SEMA3A: variants seen among roughly 807,000 people sequenced by gnomAD.
SEMA3A encodes the protein semaphorin 3A, also known as semaphorin-3A.
Under a neutral mutation model 97.9 loss-of-function variants are expected in SEMA3A, and 29 were observed. The observed-to-expected ratio is 0.30, with a 90% CI of 0.22 to 0.40. The LOEUF (loss-of-function observed/expected upper bound fraction) is 0.40, where lower values mean the gene tolerates loss of function less well. Among genes scored for constraint, SEMA3A ranks in the 10% least tolerant of loss-of-function variants. The probability of loss-of-function intolerance (pLI) is 1.00; values close to 1 mark genes in which losing one functional copy is unlikely to be tolerated. For missense variants in SEMA3A, 763 were observed against 951.3 expected (o/e 0.80, Z 2.60); for synonymous variants, 321 against 323.7 (o/e 0.99, Z 0.09).
Position 84,208,176 on chromosome 7 carries a change from G to A in SEMA3A, c.-82-13508C>T, listed in dbSNP as rs559194079. Among the ~76,000 whole-genome samples, 32 of 152,252 alleles carry A rather than the reference G, an allele frequency of 2.1e-4. 1 individual carries two copies. The South Asian group carries it at 6.6e-3, about 32-fold the overall frequency. On this transcript the variant is annotated intron_variant, in intron 3 of 3. Transcript: ENST00000424555. ...ATGTTAAGAATGGAAAGACAAGCCT[G>A]GCACTGTGGCTCATGACTGTAATCT...
At chr7:84,413,297 T>A (rs1281338929) in intron 1 of SEMA3A, among the ~76,000 whole-genome samples, 1 of 152,064 alleles carries the variant, frequency 6.6e-6, no homozygotes, top group Non-Finnish European at 1.5e-5. Flanking sequence ...CCATTTTAAA[T>A]CAATAACCAA....
At chr7:84,055,582 C>A (rs563820383) in intron 5 of SEMA3A, among the ~76,000 whole-genome samples, 41 of 152,288 alleles carry the variant, frequency 2.7e-4, no homozygotes, top group Admixed American at 1.4e-3. Context: ...GTGCGCGCAC[C>A]CACTGACCTG....
chr7:84,430,131 A>G (rs960740113), intron 1 of SEMA3A, among the ~76,000 whole-genome samples: 3 of 151,998 alleles, frequency 2.0e-5, no homozygotes, highest in African/African-American at 7.2e-5. Context: ...TTTATATTTC[A>G]TTAAAATATA....
intron 2 of SEMA3A, among the ~76,000 whole-genome samples, chr7:84,348,312 A>G (rs1454997852): frequency 6.6e-6 from 1 of 152,194 alleles, no homozygotes; most frequent in Non-Finnish European, 1.5e-5. Context: ...ATTTGTTAAT[A>G]TGTAGCCAAA....
At chr7:84,295,380 A>T (rs1328548734) in intron 3 of SEMA3A, among the ~76,000 whole-genome samples, 1 of 152,060 alleles carries the variant, frequency 6.6e-6, no homozygotes, top group African/African-American at 2.4e-5. Flanking sequence ...CAAAATGTGA[A>T]TGTTGCAATT....
chr7:84,197,629 A>AAG (rs1798261339), upstream of SEMA3A, among the ~76,000 whole-genome samples: 1 of 152,058 alleles, frequency 6.6e-6, no homozygotes, highest in African/African-American at 2.4e-5. Flanking sequence ...ACTAAAGTAG[A>AAG]AGCAAGGTAT....
intron 14 of SEMA3A, among the ~76,000 whole-genome samples, chr7:83,980,494 A>T (rs1789346697): frequency 6.7e-6 from 1 of 149,726 alleles, no homozygotes; most frequent in South Asian, 2.1e-4. Flanking sequence ...AGTCCCAGCT[A>T]CTCGGGAGGG....
chr7:84,038,478 G>C (rs1485012384), intron 6 of SEMA3A, among the ~76,000 whole-genome samples: 1 of 151,586 alleles, frequency 6.6e-6, no homozygotes, highest in Non-Finnish European at 1.5e-5. Flanking sequence ...TGTGATTCTC[G>C]TAACAACCAA....
At chr7:84,139,962 A>C (rs2116067153) in intron 1 of SEMA3A, among the ~76,000 whole-genome samples, 1 of 152,196 alleles carries the variant, frequency 6.6e-6, no homozygotes, top group South Asian at 2.1e-4. Context: ...CCCCAAGAGT[A>C]ATCATAATCT....
chr7:84,300,455 G>T, intron 3 of SEMA3A, among the ~76,000 whole-genome samples: 1 of 151,946 alleles, frequency 6.6e-6, no homozygotes, highest in East Asian at 1.9e-4. Context: ...AATTCTAAAA[G>T]CTTTTTATTT....
At chr7:84,180,891 T>C (rs1343052692) in intron 1 of SEMA3A, among the ~76,000 whole-genome samples, 1 of 152,148 alleles carries the variant, frequency 6.6e-6, no homozygotes, top group Non-Finnish European at 1.5e-5. Context: ...ATTTCCTTTC[T>C]TGAAATATTG....
intron 3 of SEMA3A, among the ~76,000 whole-genome samples, chr7:84,240,540 T>C (rs1437362958): frequency 6.6e-6 from 1 of 152,076 alleles, no homozygotes; most frequent in Non-Finnish European, 1.5e-5. Context: ...GGAAGATAAA[T>C]TCAGAAATTG....
chr7:84,244,228 T>C (rs1449566412), intron 3 of SEMA3A, among the ~76,000 whole-genome samples: 2 of 152,146 alleles, frequency 1.3e-5, no homozygotes, highest in Admixed American at 1.3e-4. Context: ...GGAGTCTAAG[T>C]CTCTTTGTAG....
chr7:84,349,328 T>C (rs372439841), intron 2 of SEMA3A, among the ~76,000 whole-genome samples: 2 of 152,276 alleles, frequency 1.3e-5, no homozygotes, highest in African/African-American at 4.8e-5. Context: ...TTAACAAATA[T>C]TTTGGAAAAC....
At chr7:84,065,079 A>C (rs1351240105) in intron 4 of SEMA3A, among the ~76,000 whole-genome samples, 4 of 147,860 alleles carry the variant, frequency 2.7e-5, no homozygotes, top group African/African-American at 1.0e-4. Flanking sequence ...CTCTCAGACC[A>C]CAGTGCAATC....
At chr7:84,131,552 G>C (rs954858605) in intron 2 of SEMA3A, among the ~76,000 whole-genome samples, 1 of 152,072 alleles carries the variant, frequency 6.6e-6, no homozygotes, top group African/African-American at 2.4e-5. Flanking sequence ...ACCTGAACAT[G>C]TGTTTTTGCC....
intron 15 of SEMA3A, among the ~76,000 whole-genome samples, chr7:83,971,599 A>G (rs927433243): frequency 6.6e-6 from 1 of 152,044 alleles, no homozygotes; most frequent in African/African-American, 2.4e-5. Context: ...CACCAATTAG[A>G]TTCTATGTAA....
Position 84,162,592 on chromosome 7 carries a change from T to TAAA in SEMA3A, c.113-27644_113-27642dup, listed in dbSNP as rs201883744. Among the ~76,000 whole-genome samples the TAAA allele has an allele frequency of 7.0e-4, 105 of 150,886 alleles. 1 individual carries two copies. Among genetic ancestry groups the TAAA allele is most frequent in the Middle Eastern group, 3.4e-3 (1 of 290 alleles). ...TTGGCTCATATCCTCAATTTTTTTT[T>TAAA]AAAAAAAAATAGATATGATTTGCTT... On this transcript the variant is annotated intron_variant, in intron 1 of 16. Coordinates refer to ENST00000265362, the MANE Select transcript of SEMA3A (RefSeq NM_006080.3).
chr7:84,352,290 C>T lies in SEMA3A; in HGVS notation c.-169+19534G>A, dbSNP rs144154488. Among the ~76,000 whole-genome samples, 264 of 151,704 alleles carry T rather than the reference C, an allele frequency of 1.7e-3. 3 individuals carry two copies. Among genetic ancestry groups the T allele is most frequent in the African/African-American group, 5.8e-3 (242 of 41,404 alleles). ...TAATTGGTACACAAATATAGTTAGACGATATGAATGAGATCTTGTATTTAA... is the reference window on the plus strand; with the variant it reads ...TAATTGGTACACAAATATAGTTAGATGATATGAATGAGATCTTGTATTTAA... On this transcript the variant is annotated intron_variant, in intron 2 of 3. Coordinates refer to the SEMA3A transcript ENST00000424555.
Sources: gnomAD v4.1 joint callset for allele counts (sites outside exome capture counted in the v4.1 genomes callset) on GRCh38, gnomAD v4.1.1 for gene constraint, MANE v1.5 for transcripts, NCBI Gene and HGNC (gene_info 2026-07-23, HGNC 2026-07-21) for gene names.